The following USP40 variants were observed in gnomAD, a reference collection of about 807,000 sequenced individuals.
USP40 encodes ubiquitin specific peptidase 40.
A neutral mutation model predicts 166.2 loss-of-function variants in USP40; 143 were observed. That is an observed-to-expected ratio of 0.86 (90% CI 0.75 to 0.99). The LOEUF (loss-of-function observed/expected upper bound fraction) is 0.99, where lower values mean the gene tolerates loss of function less well. Ranked by LOEUF, USP40 falls within the 50% of genes least tolerant of loss-of-function variation. The pLI is 0.00. For synonymous variants in USP40, 498 were observed against 524.0 expected, an observed-to-expected ratio of 0.95 and a Z score of 0.68; for missense variants, 1,444 against 1,479.7, an observed-to-expected ratio of 0.98 and a Z score of 0.40.
chr2:233,495,702 T>C (rs1051121136), intron 24 of USP40, among the ~76,000 whole-genome samples: 1 of 152,184 alleles, frequency 6.6e-6, no homozygotes, highest in Non-Finnish European at 1.5e-5. Context: ...AGCAGCTGCC[T>C]GTCGGGGAGA....
chr2:233,558,082 C>T (rs1452490043), intron 4 of USP40, among the ~76,000 whole-genome samples: 1 of 150,396 alleles, frequency 6.6e-6, no homozygotes, highest in African/African-American at 2.4e-5. Context: ...TTCTATCTTG[C>T]CTTTTAAAAT....
rs2064156442 is a variant in USP40 at position 233,475,807 on chromosome 2, C to A, written c.*1585G>T. 6.6e-6 allele frequency: 1 copy of A among 152,398 alleles called. No homozygotes were observed. Among genetic ancestry groups the A allele is most frequent in the Non-Finnish European group, 1.5e-5 (1 of 68,056 alleles). 9.4% of individuals were successfully genotyped at this position (152,398 alleles called of 1,614,324 possible). On this transcript the variant is annotated 3_prime_UTR_variant, in exon 32 of 32. Transcript: ENST00000678225. ...CGCTGAGATGAGATGAAGGCAGATG[C>A]TACAGAAATATGTCAGTTAAAGCCA...
chr2:233,543,437 G>C (rs1196232624), intron 8 of USP40, among the ~76,000 whole-genome samples: 1 of 152,216 alleles, frequency 6.6e-6, no homozygotes, highest in Non-Finnish European at 1.5e-5. Context: ...GAAATCCAAA[G>C]ATGAGGCCTC....
chr2:233,559,569 A>C (rs182531405), intron 4 of USP40, among the ~76,000 whole-genome samples: 80 of 152,292 alleles, frequency 5.3e-4, no homozygotes, highest in South Asian at 2.3e-3. Context: ...CAGCTCTTGT[A>C]CTTCTCCCCG....
chr2:233,479,817 CTT>C (rs2064449437), intron 31 of USP40, among the ~76,000 whole-genome samples: 2 of 152,068 alleles, frequency 1.3e-5, no homozygotes, highest in Admixed American at 1.3e-4. Flanking sequence ...TCCCGGGGCC[CTT>C]AGGGAGTCAG....
At chr2:233,522,671 C>T (rs954732978) in intron 16 of USP40, among the ~76,000 whole-genome samples, 13 of 152,122 alleles carry the variant, frequency 8.5e-5, no homozygotes, top group Non-Finnish European at 1.3e-4. Flanking sequence ...GGGGGTAATT[C>T]GCCACGTAAC....
At chr2:233,536,312 T>C (rs2068930654) in intron 10 of USP40, among the ~76,000 whole-genome samples, 1 of 152,154 alleles carries the variant, frequency 6.6e-6, no homozygotes, top group African/African-American at 2.4e-5. Flanking sequence ...AAAAGTATAA[T>C]ATCTGAAACG....
At chr2:233,499,712 T>G (rs768601117) in intron 22 of USP40, among the ~76,000 whole-genome samples, 167 bp downstream of exon 22, 1 of 152,208 alleles carries the variant, frequency 6.6e-6, no homozygotes, top group African/African-American at 2.4e-5. Flanking sequence ...TCTTTCAGCA[T>G]GCCAACAAGA....
At chr2:233,495,924 G>A (rs2065724484) in intron 24 of USP40, among the ~76,000 whole-genome samples, 1 of 152,198 alleles carries the variant, frequency 6.6e-6, no homozygotes, top group South Asian at 2.1e-4. Flanking sequence ...GCAAGATACA[G>A]TAAGTGAATA....
chr2:233,558,952 G>A (rs1331098985), intron 4 of USP40, among the ~76,000 whole-genome samples: 1 of 152,158 alleles, frequency 6.6e-6, no homozygotes, highest in Non-Finnish European at 1.5e-5. Flanking sequence ...GTTAAGAAGT[G>A]TTCCTGGTTA....
At chr2:233,550,762 G>A (rs192369470) in intron 7 of USP40, among the ~76,000 whole-genome samples, 1 of 152,198 alleles carries the variant, frequency 6.6e-6, no homozygotes, top group East Asian at 1.9e-4. Flanking sequence ...GGTTGATTTT[G>A]TAATTAATTT....
chr2:233,477,970 C>T (rs991502864), intron 31 of USP40, among the ~76,000 whole-genome samples: 4 of 152,196 alleles, frequency 2.6e-5, no homozygotes, highest in Admixed American at 2.6e-4. Context: ...TCGCTGTGAC[C>T]CCCCCGGCCC....
chr2:233,534,523 T>C (rs2068798498), intron 10 of USP40, among the ~76,000 whole-genome samples: 1 of 152,188 alleles, frequency 6.6e-6, no homozygotes, highest in South Asian at 2.1e-4. Context: ...TCAATCACCC[T>C]GGAAAGGTGA....
intron 6 of USP40, among the ~76,000 whole-genome samples, chr2:233,553,550 C>T (rs2070774901): frequency 6.6e-6 from 1 of 152,282 alleles, no homozygotes; most frequent in East Asian, 1.9e-4. Context: ...TATAATAAAT[C>T]CCTGCCATAT....
At position 233,565,783 on chromosome 2, in the gene USP40, ATC is replaced by A. The variant is rs776570267; in HGVS notation, c.-19-212_-19-211del. Reference sequence around the variant, plus strand: ...TACCTGTGTGACCCTGGATATGTTAATCTGTTTTCTTATGTGTAAAATAGGAT... The same window carrying A: ...TACCTGTGTGACCCTGGATATGTTAATGTTTTCTTATGTGTAAAATAGGAT... On this transcript the variant is annotated intron_variant, in intron 1 of 31. Transcript: ENST00000678225. Among the ~76,000 whole-genome samples, 14 of 152,200 alleles carry A rather than the reference ATC, an allele frequency of 9.2e-5. No homozygotes were observed. The East Asian group carries it at 2.5e-3, about 27-fold the overall frequency.
intron 16 of USP40, among the ~76,000 whole-genome samples, chr2:233,522,217 TA>T (rs2067707242): frequency 6.6e-6 from 1 of 152,184 alleles, no homozygotes; most frequent in African/African-American, 2.4e-5. Context: ...TTATTAGGTT[TA>T]AAAAGAAAGG....
Position 233,521,008 on chromosome 2 carries a change from A to C in USP40, c.2308T>G (p.Ser770Ala), listed in dbSNP as rs778525679. ...LESEEKQVKI[S>A]ATVNTMVFDI... is the part of the protein sequence containing the mutation. ...CTACTCACTGTGTTAACAGTTGCTG[A>C]TATTTTAACTTGCTTCTCTTCAGAT... Residue 770 changes from serine (S) to alanine (A), a missense_variant, in exon 17 of 32, where the codon TCA becomes GCA. Coordinates refer to ENST00000678225, the MANE Select transcript of USP40 (RefSeq NM_001365479.2). The C allele has an allele frequency of 5.0e-6, 8 of 1,613,198 alleles. No homozygotes were observed. The African/African-American group carries it at 1.1e-4, about 22-fold the overall frequency.
chr2:233,501,910 G>A (rs1244097698), intron 21 of USP40, among the ~76,000 whole-genome samples: 1 of 152,210 alleles, frequency 6.6e-6, no homozygotes, highest in Admixed American at 6.5e-5. Context: ...AGATAGAGAA[G>A]AGGAGGAGAC....
rs1376431674 is a variant in USP40, at chr2:233,475,870, C to T, written c.*1522G>A. The T allele has an allele frequency of 6.6e-6, 1 of 152,422 alleles. No individual in the cohort carries two copies. The highest frequency in any genetic ancestry group is 2.4e-5 in the African/African-American group (1 of 41,470). 9.4% of individuals were successfully genotyped at this position (152,422 alleles called of 1,614,324 possible). A position where few individuals can be genotyped will look rare whatever the true frequency, so the allele number is the denominator to read the frequency against. On this transcript the variant is annotated 3_prime_UTR_variant, in exon 32 of 32. Coordinates refer to ENST00000678225, the MANE Select transcript of USP40 (RefSeq NM_001365479.2). The stretch of plus-strand genomic sequence containing the variant: ...AGCTTAAGAAGGGCTGGGCGCCCAG[C>T]TCGTCACGACACTTACAGCTCTGGC...
Sources: gnomAD v4.1 joint callset for allele counts (sites outside exome capture counted in the v4.1 genomes callset) on GRCh38, gnomAD v4.1.1 for gene constraint, MANE v1.5 for transcripts, NCBI Gene and HGNC (gene_info 2026-07-23, HGNC 2026-07-21) for gene names.